FAM193A: variants seen among roughly 807,000 people sequenced by gnomAD.
FAM193A encodes the protein family with sequence similarity 193 member A.
Under a neutral mutation model 126.5 loss-of-function variants are expected in FAM193A, and 22 were observed. That is an observed-to-expected ratio of 0.17 (90% CI 0.12 to 0.25). The LOEUF (loss-of-function observed/expected upper bound fraction) is 0.25. FAM193A is among the 10% of genes least tolerant of loss of function. FAM193A has a pLI of 1.00. For synonymous variants in FAM193A, 761 were observed against 646.8 expected (o/e 1.18, Z -2.68); for missense variants, 1,675 against 1,672.8 (o/e 1.00, Z -0.02).
At chr4:2,671,712 C>A (rs750445480) in intron 12 of FAM193A, among the ~76,000 whole-genome samples, 51 of 152,222 alleles carry the variant, frequency 3.4e-4, no homozygotes, top group Non-Finnish European at 4.7e-4. Context: ...CCGGAAGTCG[C>A]GTCTCTGCTT....
intron 7 of FAM193A, among the ~76,000 whole-genome samples, chr4:2,648,947 A>G (rs999000952): frequency 1.3e-5 from 2 of 152,226 alleles, no homozygotes; most frequent in African/African-American, 2.4e-5. Flanking sequence ...ACGGCAGTCA[A>G]CACCAGAATG....
chr4:2,675,436 C>T (rs374149041), intron 13 of FAM193A, among the ~76,000 whole-genome samples: 4 of 152,256 alleles, frequency 2.6e-5, no homozygotes, highest in Middle Eastern at 3.4e-3. Context: ...CTGTTATTAG[C>T]GGCACACACA....
At chr4:2,549,686 G>A (rs1327339379) in intron 1 of FAM193A, among the ~76,000 whole-genome samples, 17 of 151,674 alleles carry the variant, frequency 1.1e-4, no homozygotes, top group African/African-American at 2.7e-4. Flanking sequence ...GTGAGCCACC[G>A]CGCCCGGCCC....
At chr4:2,572,368 T>C (rs1739344563) in intron 1 of FAM193A, among the ~76,000 whole-genome samples, 1 of 151,906 alleles carries the variant, frequency 6.6e-6, no homozygotes, top group African/African-American at 2.4e-5. Context: ...TTTCAAGTTT[T>C]CTAATACCGT....
intron 1 of FAM193A, among the ~76,000 whole-genome samples, chr4:2,555,277 A>G (rs752804307): frequency 1.3e-5 from 2 of 152,168 alleles, no homozygotes; most frequent in Admixed American, 6.6e-5. Context: ...ATAGGCCTCT[A>G]TATGTCATGG....
At chr4:2,647,970 G>A (rs1019167307) in intron 7 of FAM193A, among the ~76,000 whole-genome samples, 1 of 152,178 alleles carries the variant, frequency 6.6e-6, no homozygotes, top group Non-Finnish European at 1.5e-5. Flanking sequence ...CTGGGAAGAA[G>A]GAAGGGACTA....
At chr4:2,611,033 G>T (rs375620177) in intron 2 of FAM193A, among the ~76,000 whole-genome samples, 3 of 151,996 alleles carry the variant, frequency 2.0e-5, no homozygotes, top group African/African-American at 4.8e-5. Flanking sequence ...CACCGTGCCC[G>T]GCCGAGTATC....
At chr4:2,596,430 G>A in intron 2 of FAM193A, 101 bp downstream of exon 2, 1 of 641,766 alleles carries the variant, frequency 1.6e-6, no homozygotes, top group Non-Finnish European at 2.8e-6. Context: ...TTGCTTCAGG[G>A]GGCACTCCCT....
At chr4:2,555,791 G>A (rs925693606) in intron 1 of FAM193A, among the ~76,000 whole-genome samples, 1 of 142,306 alleles carries the variant, frequency 7.0e-6, no homozygotes, top group African/African-American at 2.6e-5. Flanking sequence ...AGAATTTTTT[G>A]TATTTTTAGT....
At chr4:2,720,246 G>A (rs1052706201) in intron 20 of FAM193A, among the ~76,000 whole-genome samples, 1 of 152,086 alleles carries the variant, frequency 6.6e-6, no homozygotes, top group Non-Finnish European at 1.5e-5. Flanking sequence ...GTATAAAAGA[G>A]GAACTAAAAA....
intron 6 of FAM193A, among the ~76,000 whole-genome samples, chr4:2,643,560 A>G (rs1560513336): frequency 1.3e-5 from 2 of 152,036 alleles, no homozygotes; most frequent in Non-Finnish European, 2.9e-5. Context: ...ATTAAACAGT[A>G]ACTCTCCATT....
At chr4:2,668,898 A>G (rs1713464586) in intron 12 of FAM193A, among the ~76,000 whole-genome samples, 1 of 150,720 alleles carries the variant, frequency 6.6e-6, no homozygotes, top group South Asian at 2.1e-4. Context: ...GCTAGAGTGC[A>G]GTGGCACAAT....
rs185235905 is a variant in FAM193A at position 2,555,868 on chromosome 4, G to A, written c.255+18698G>A. On this transcript the variant is annotated intron_variant, in intron 1 of 20. Transcript: ENST00000637812. Reference sequence around the variant, plus strand: ...CCTGACCTTGTGATCCACCTGCCTCGGCCTCCCAAAGTGCTGGGATTACAA... The same window carrying A: ...CCTGACCTTGTGATCCACCTGCCTCAGCCTCCCAAAGTGCTGGGATTACAA... 1.2e-3 allele frequency among the ~76,000 whole-genome samples: 175 copies of A among 151,668 alleles called. 2 individuals carry two copies. Among genetic ancestry groups the A allele is most frequent in the African/African-American group, 3.6e-3 (148 of 41,344 alleles).
At chr4:2,580,477 C>G (rs535726154) in intron 1 of FAM193A, among the ~76,000 whole-genome samples, 1 of 152,228 alleles carries the variant, frequency 6.6e-6, no homozygotes, top group East Asian at 1.9e-4. Flanking sequence ...CATGTACCCC[C>G]AAATTTAATA....
At position 2,660,241 on chromosome 4, in the gene FAM193A, TG is replaced by T. The variant is rs559307313; in HGVS notation, c.1745+190del. On this transcript the variant is annotated intron_variant, in intron 10 of 20. Transcript: ENST00000637812. ...ACCCAAACTTTTAACACTGTTTATC[TG>T]GGAAAAAAAAAACATGGTAAATTAA... Among the ~76,000 whole-genome samples, 547 of 151,620 alleles carry T rather than the reference TG, an allele frequency of 3.6e-3. 4 individuals are homozygous for T. The highest frequency in any genetic ancestry group is 0.013 in the African/African-American group (531 of 41,354).
chr4:2,594,595 G>C (rs902858757), intron 1 of FAM193A, among the ~76,000 whole-genome samples: 1 of 152,086 alleles, frequency 6.6e-6, no homozygotes, highest in African/African-American at 2.4e-5. Flanking sequence ...GCTTCCCTTT[G>C]CCCTGCTCCC....
At chr4:2,584,947 C>A (rs1188153594) in intron 1 of FAM193A, among the ~76,000 whole-genome samples, 1 of 151,840 alleles carries the variant, frequency 6.6e-6, no homozygotes, top group Non-Finnish European at 1.5e-5. Flanking sequence ...AAAAAACAAA[C>A]CAAAACTAAA....
chr4:2,726,114 T>A (rs1197017645), intron 20 of FAM193A, among the ~76,000 whole-genome samples: 1 of 151,966 alleles, frequency 6.6e-6, no homozygotes, highest in African/African-American at 2.4e-5. Flanking sequence ...TTAGCCAGGA[T>A]GGTCTCGATC....
chr4:2,603,832 A>T (rs1185082883), intron 2 of FAM193A, among the ~76,000 whole-genome samples: 1 of 151,234 alleles, frequency 6.6e-6, no homozygotes, highest in Non-Finnish European at 1.5e-5. Flanking sequence ...CCAAACACAT[A>T]TCTCTTGAAT....
Sources: allele counts gnomAD v4.1 joint callset (sites outside exome capture counted in the v4.1 genomes callset), GRCh38; gene constraint gnomAD v4.1.1; transcripts MANE v1.5; gene names NCBI Gene and HGNC (gene_info 2026-07-23, HGNC 2026-07-21).